The following FRYL variants were observed in gnomAD, a reference collection of about 807,000 sequenced individuals.
FRYL encodes FRY like transcription coactivator.
FRYL carries 150 observed loss-of-function variants against 351.2 expected under a neutral mutation model. That is an observed-to-expected ratio of 0.43 (90% CI 0.37 to 0.49). The LOEUF is 0.49. FRYL is among the 20% of genes least tolerant of loss of function. The pLI is 0.00. For missense variants in FRYL, 3,036 were observed against 3,619.3 expected, an observed-to-expected ratio of 0.84 and a Z score of 4.13; for synonymous variants, 1,153 against 1,257.1, an observed-to-expected ratio of 0.92 and a Z score of 1.75.
chr4:48,651,342 G>T (rs1175009585), intron 3 of FRYL, among the ~76,000 whole-genome samples: 1 of 118,634 alleles, frequency 8.4e-6, no homozygotes, highest in African/African-American at 3.2e-5. Flanking sequence ...TGTGTGTGTA[G>T]TGGTAGAAAC....
At chr4:48,621,583 T>C (rs1220519798) in intron 5 of FRYL, among the ~76,000 whole-genome samples, 2 of 152,224 alleles carry the variant, frequency 1.3e-5, no homozygotes, top group African/African-American at 4.8e-5. Context: ...ATAAAATTAA[T>C]ATTCTGAAAT....
At chr4:48,778,120 C>A (rs1269473239) in intron 1 of FRYL, among the ~76,000 whole-genome samples, 1 of 152,142 alleles carries the variant, frequency 6.6e-6, no homozygotes, top group Non-Finnish European at 1.5e-5. Context: ...TCACTTGAAC[C>A]CAAAGAATTT....
chr4:48,628,026 C>T (rs1407365276), intron 4 of FRYL, among the ~76,000 whole-genome samples: 2 of 152,196 alleles, frequency 1.3e-5, no homozygotes, highest in African/African-American at 4.8e-5. Context: ...GCGCCTCAGC[C>T]TCCCAAAGTG....
chr4:48,766,493 G>C (rs1774963838), intron 1 of FRYL, among the ~76,000 whole-genome samples: 2 of 152,280 alleles, frequency 1.3e-5, no homozygotes, highest in Middle Eastern at 3.4e-3. Flanking sequence ...ATGTGATGCA[G>C]GAGGGCTCTG....
chr4:48,506,007 T>A, intron 59 of FRYL: 1 of 160,854 alleles, frequency 6.2e-6, no homozygotes, highest in Non-Finnish European at 1.3e-5. Flanking sequence ...TAAAGACAAC[T>A]TAGAATTAAG....
At chr4:48,644,420 CATA>C (rs1346209092) in intron 3 of FRYL, among the ~76,000 whole-genome samples, 1 of 145,908 alleles carries the variant, frequency 6.9e-6, no homozygotes, top group Non-Finnish European at 1.5e-5. Context: ...TATATCAGAA[CATA>C]ATATGATTAT....
intron 1 of FRYL, among the ~76,000 whole-genome samples, chr4:48,774,182 A>C (rs1047498085): frequency 1.3e-5 from 2 of 152,170 alleles, no homozygotes; most frequent in Non-Finnish European, 2.9e-5. Flanking sequence ...AAATTAATTG[A>C]GGTTATGGTA....
intron 20 of FRYL, 49 bp from the exon 21 acceptor site, chr4:48,581,654 A>G: frequency 6.8e-7 from 1 of 1,461,390 alleles, no homozygotes; most frequent in Non-Finnish European, 9.2e-7. Context: ...ATGCACAGAC[A>G]TTTCCGAAAA....
chr4:48,579,193 C>T lies in FRYL; in HGVS notation c.2308G>A (p.Glu770Lys). The change falls in exon 23 of 64, where the codon GAA (glutamate) becomes AAA (lysine). Residue 770 changes from glutamate (E) to lysine (K), a missense_variant. Physicochemically the swap from Glu to Lys is moderately conservative, Grantham distance 56. Coordinates refer to ENST00000358350, the MANE Select transcript of FRYL (RefSeq NM_015030.2). Reference protein sequence around the residue: ...PSSIDLQTLAEWNSSPISHQF... With the variant: ...PSSIDLQTLAKWNSSPISHQF... The stretch of plus-strand genomic sequence containing the variant: ...TGGCTAATAGGAGAAGAGTTCCATT[C>T]TGCTAAAGTTTGTAAATCTATCGAG... The T allele has an allele frequency of 6.2e-7, 1 of 1,613,726 alleles. No homozygotes were observed. The highest frequency in any genetic ancestry group is 8.5e-7 in the Non-Finnish European group (1 of 1,179,744).
intron 47 of FRYL, among the ~76,000 whole-genome samples, chr4:48,539,201 C>G (rs903215628): frequency 2.0e-5 from 3 of 151,002 alleles, no homozygotes; most frequent in African/African-American, 7.3e-5. Context: ...GTAAAAGAGC[C>G]AAATAAGGAA....
At chr4:48,539,534 G>A (rs1180624015) in intron 47 of FRYL, among the ~76,000 whole-genome samples, 1 of 151,058 alleles carries the variant, frequency 6.6e-6, no homozygotes, top group Non-Finnish European at 1.5e-5. Flanking sequence ...CCCTCCCCCT[G>A]CCCCGATAAA....
At chr4:48,548,037 A>C (rs1245230176) in intron 40 of FRYL, among the ~76,000 whole-genome samples, 1 of 152,168 alleles carries the variant, frequency 6.6e-6, no homozygotes, top group African/African-American at 2.4e-5. Flanking sequence ...ACATAACATA[A>C]AAAAATTCAT....
intron 4 of FRYL, among the ~76,000 whole-genome samples, chr4:48,629,101 A>G (rs567578010): frequency 1.3e-5 from 2 of 151,346 alleles, no homozygotes; most frequent in South Asian, 2.1e-4. Flanking sequence ...GTTAATAATA[A>G]TTCCAAGGCT....
At chr4:48,758,822 G>C (rs906421836) in intron 1 of FRYL, among the ~76,000 whole-genome samples, 1 of 152,154 alleles carries the variant, frequency 6.6e-6, no homozygotes, top group East Asian at 1.9e-4. Context: ...CAAAGACTTG[G>C]AACCAACCCA....
intron 49 of FRYL, among the ~76,000 whole-genome samples, chr4:48,533,396 G>A (rs1220971183): frequency 1.3e-5 from 2 of 151,824 alleles, no homozygotes; most frequent in African/African-American, 2.4e-5. Context: ...AAAATCTCCC[G>A]TTTTTTTGAT....
At chr4:48,720,012 T>C (rs1404390645) in intron 1 of FRYL, among the ~76,000 whole-genome samples, 2 of 150,602 alleles carry the variant, frequency 1.3e-5, no homozygotes, top group South Asian at 2.1e-4. Flanking sequence ...TAGCTGGGTG[T>C]GGTGGCGTGC....
At chr4:48,680,213 A>G (rs895502070) in intron 3 of FRYL, among the ~76,000 whole-genome samples, 1 of 152,052 alleles carries the variant, frequency 6.6e-6, no homozygotes, top group African/African-American at 2.4e-5. Context: ...TCTAATAAAT[A>G]GCATATTAAT....
intron 3 of FRYL, among the ~76,000 whole-genome samples, chr4:48,666,725 A>G (rs1233176882): frequency 5.9e-5 from 9 of 152,154 alleles, no homozygotes; most frequent in Non-Finnish European, 1.2e-4. Flanking sequence ...AATTTTCTGT[A>G]TTGATTACAA....
At chr4:48,522,390 G>A (rs1459534178) in intron 54 of FRYL, among the ~76,000 whole-genome samples, 4 of 151,822 alleles carry the variant, frequency 2.6e-5, no homozygotes, top group African/African-American at 4.9e-5. Flanking sequence ...TATTCCATGT[G>A]CCTTCTCCTT....
Sources: allele counts gnomAD v4.1 joint callset (sites outside exome capture counted in the v4.1 genomes callset), GRCh38; gene constraint gnomAD v4.1.1; transcripts MANE v1.5; gene names NCBI Gene and HGNC (gene_info 2026-07-23, HGNC 2026-07-21).